CDH12: variants seen among roughly 807,000 people sequenced by gnomAD.
The protein encoded by CDH12 is cadherin 12, also known as cadherin-12.
CDH12 carries 41 observed loss-of-function variants against 74.1 expected under a neutral mutation model. That is an observed-to-expected ratio of 0.55 (90% CI 0.43 to 0.72). The LOEUF (loss-of-function observed/expected upper bound fraction) is 0.72. Among genes scored for constraint, CDH12 ranks in the 30% least tolerant of loss-of-function variants. The pLI is 0.00. For synonymous variants in CDH12, 399 were observed against 355.0 expected, an observed-to-expected ratio of 1.12 and a Z score of -1.39; for missense variants, 945 against 977.2, an observed-to-expected ratio of 0.97 and a Z score of 0.44.
At chr5:22,632,014 C>A (rs1738610999) in intron 1 of CDH12, among the ~76,000 whole-genome samples, 1 of 152,050 alleles carries the variant, frequency 6.6e-6, no homozygotes, top group Non-Finnish European at 1.5e-5. Flanking sequence ...GACACAAATC[C>A]AAATAACATC....
At chr5:22,679,507 T>A (rs1561572404) in intron 1 of CDH12, among the ~76,000 whole-genome samples, 1 of 152,120 alleles carries the variant, frequency 6.6e-6, no homozygotes, top group Non-Finnish European at 1.5e-5. Flanking sequence ...GACCAGTTGT[T>A]ATGTAGATTA....
intron 2 of CDH12, among the ~76,000 whole-genome samples, chr5:22,408,521 C>T (rs1743036020): frequency 6.6e-6 from 1 of 151,206 alleles, no homozygotes; most frequent in Admixed American, 6.6e-5. Context: ...CAACTCACTG[C>T]CAAGTAACAT....
chr5:22,308,838 A>ACG (rs1738242658), intron 3 of CDH12, among the ~76,000 whole-genome samples: 1 of 150,206 alleles, frequency 6.7e-6, no homozygotes, highest in Non-Finnish European at 1.5e-5. Context: ...ACACACACAC[A>ACG]CACACACATA....
rs564118884 is a variant in CDH12 at position 22,650,926 on chromosome 5, G to A, written c.-522-145562C>T. 4.6e-5 allele frequency among the ~76,000 whole-genome samples: 7 copies of A among 152,018 alleles called. No individual in the cohort carries two copies. The East Asian group carries it at 7.8e-4, about 17-fold the overall frequency. ...AGTCTTTCTTGGAAACAAACGAGAG[G>A]CGATAACTGTTAATATCCATGTTGT... is the stretch of plus-strand genomic sequence containing the variant. On this transcript the variant is annotated intron_variant, in intron 1 of 14. Transcript: ENST00000382254.
At chr5:22,565,412 G>A (rs918832) in intron 1 of CDH12, among the ~76,000 whole-genome samples, 24,603 of 151,976 alleles carry the variant, frequency 0.16, 2,546 homozygotes, top group East Asian at 0.36. Context: ...TTTCAACAAG[G>A]TGTGTTCAAA....
At chr5:22,154,144 T>G (rs1356159946) in intron 4 of CDH12, among the ~76,000 whole-genome samples, 1 of 150,436 alleles carries the variant, frequency 6.6e-6, no homozygotes, top group Non-Finnish European at 1.5e-5. Context: ...TGCTGTACAC[T>G]GTGATGTTTT....
intron 1 of CDH12, among the ~76,000 whole-genome samples, chr5:22,689,825 A>G (rs932442329): frequency 3.3e-5 from 5 of 152,104 alleles, no homozygotes; most frequent in African/African-American, 1.2e-4. Flanking sequence ...TGATCTTGAC[A>G]CAATATGACA....
intron 2 of CDH12, among the ~76,000 whole-genome samples, chr5:22,477,377 G>A (rs1305849096): frequency 2.0e-5 from 3 of 152,046 alleles, no homozygotes; most frequent in Non-Finnish European, 4.4e-5. Context: ...TAAAGATAAT[G>A]GCATCTAGCT....
At chr5:22,742,167 G>A (rs1745059646) in intron 1 of CDH12, among the ~76,000 whole-genome samples, 1 of 151,164 alleles carries the variant, frequency 6.6e-6, no homozygotes, top group Non-Finnish European at 1.5e-5. Flanking sequence ...GGGTGACAGA[G>A]CAAGACTCCA....
intron 5 of CDH12, among the ~76,000 whole-genome samples, chr5:22,061,165 A>G (rs1186220854): frequency 6.6e-6 from 1 of 152,194 alleles, no homozygotes; most frequent in Non-Finnish European, 1.5e-5. Flanking sequence ...TTACACTGAT[A>G]TATGTTATGT....
At chr5:21,938,948 CT>C (rs1755204648) in intron 6 of CDH12, among the ~76,000 whole-genome samples, 1 of 150,332 alleles carries the variant, frequency 6.7e-6, no homozygotes, top group Non-Finnish European at 1.5e-5. Context: ...TACAAAAATA[CT>C]TTTATTGTCA....
intron 10 of CDH12, among the ~76,000 whole-genome samples, chr5:21,793,708 C>G (rs1432150831): frequency 6.6e-6 from 1 of 151,428 alleles, no homozygotes; most frequent in East Asian, 1.9e-4. Flanking sequence ...TCCTCCTTTT[C>G]CTTCTACCTA....
chr5:22,688,973 A>G (rs1561578732), intron 1 of CDH12, among the ~76,000 whole-genome samples: 1 of 152,144 alleles, frequency 6.6e-6, no homozygotes, highest in African/African-American at 2.4e-5. Context: ...TTCAAAGTGC[A>G]ATAATATAGT....
At chr5:22,648,732 T>C (rs1238202107) in intron 1 of CDH12, among the ~76,000 whole-genome samples, 1 of 151,464 alleles carries the variant, frequency 6.6e-6, no homozygotes, top group Admixed American at 6.7e-5. Flanking sequence ...CCTGATTTTA[T>C]GTACCATTTA....
rs529809366 is a variant in CDH12 at position 22,161,663 on chromosome 5, G to A, written c.-187+50835C>T. Among the ~76,000 whole-genome samples, 9 of 151,468 alleles carry A rather than the reference G, an allele frequency of 5.9e-5. No individual in the cohort carries two copies. In the East Asian group the frequency reaches 1.8e-3, roughly 30 times the overall value. On this transcript the variant is annotated intron_variant, in intron 4 of 14. Transcript: ENST00000382254. ...GCTATAATTGTGCCATTGAATTCCA[G>A]CCTGGATGACAGAACGAGAACCTCT...
Position 21,885,349 on chromosome 5 carries a change from A to AC in CDH12, c.527-30560dup, listed in dbSNP as rs140818751. On this transcript the variant is annotated intron_variant, in intron 6 of 14. Transcript: ENST00000382254. ...TACAACTTTAGTTTTAGCTTATTGT[A>AC]CTGTAGAGCTAATTCCAGAGCCGCT... 4.1e-4 allele frequency among the ~76,000 whole-genome samples: 62 copies of AC among 152,282 alleles called. 2 individuals are homozygous for AC. The East Asian group carries it at 7.9e-3, about 19-fold the overall frequency.
At chr5:21,832,866 T>TGATATATGATATAATATTAATATATATC (rs1749123774) in intron 8 of CDH12, among the ~76,000 whole-genome samples, 4 of 5,158 alleles carry the variant, frequency 7.8e-4, no homozygotes, top group Admixed American at 3.8e-3. Context: ...ATATATATCA[T>TGATATATGATATAATATTAATATATATC]ATGATATATG....
intron 5 of CDH12, among the ~76,000 whole-genome samples, chr5:22,068,675 G>T (rs1026612714): frequency 6.6e-6 from 1 of 152,174 alleles, no homozygotes; most frequent in East Asian, 1.9e-4. Flanking sequence ...GCCAAAAAAT[G>T]TGAAGATATT....
chr5:22,174,165 C>T (rs535043507), intron 4 of CDH12, among the ~76,000 whole-genome samples: 1 of 152,048 alleles, frequency 6.6e-6, no homozygotes, highest in South Asian at 2.1e-4. Context: ...GCACAAGATT[C>T]ATTGGAAATT....
Sources: gnomAD v4.1 joint callset for allele counts (sites outside exome capture counted in the v4.1 genomes callset) on GRCh38, gnomAD v4.1.1 for gene constraint, MANE v1.5 for transcripts, NCBI Gene and HGNC (gene_info 2026-07-23, HGNC 2026-07-21) for gene names.